Variants in IL1RAPL1 observed in about 807,000 individuals in gnomAD.
The protein encoded by IL1RAPL1 is interleukin 1 receptor accessory protein like 1, also known as interleukin-1 receptor accessory protein-like 1.
In IL1RAPL1, 3 loss-of-function variants were observed where a neutral mutation model predicts 48.4. The observed-to-expected ratio is 0.06, with a 90% CI of 0.03 to 0.16. The LOEUF is 0.16. IL1RAPL1 is among the 10% of genes least tolerant of loss of function. The probability of loss-of-function intolerance (pLI) is 1.00; values close to 1 mark genes in which losing one functional copy is unlikely to be tolerated. For synonymous variants in IL1RAPL1, 185 were observed against 187.7 expected (o/e 0.99, Z 0.12); for missense variants, 349 against 530.6 (o/e 0.66, Z 3.36).
intron 2 of IL1RAPL1, among the ~76,000 whole-genome samples, chrX:29,076,802 G>GTCTGTCTGTCTATCTATCTATCTATCTA (rs568595100): frequency 2.6e-3 from 250 of 97,266 alleles, no homozygotes; most frequent in African/African-American, 3.1e-3. Flanking sequence ...CTGTCTGTCT[G>GTCTGTCTGTCTATCTATCTATCTATCTA]TCTATCTATC....
At chrX:29,830,836 T>C (rs1930859463) in intron 6 of IL1RAPL1, among the ~76,000 whole-genome samples, 2 of 111,424 alleles carry the variant, frequency 1.8e-5, no homozygotes, top group Admixed American at 1.9e-4. Context: ...GAGTACCTTG[T>C]GTCCATGTCT....
intron 6 of IL1RAPL1, among the ~76,000 whole-genome samples, chrX:29,678,424 G>A (rs956948636): frequency 1.1e-5 from 1 of 92,017 alleles, no homozygotes; most frequent in Non-Finnish European, 2.1e-5. Context: ...GCGCGATCTC[G>A]GCTCACCACA....
At position 29,484,002 on chromosome X, in the gene IL1RAPL1, A is replaced by AT. The variant is rs200073177; in HGVS notation, c.703+84696dup. Among the ~76,000 whole-genome samples, 281 of 63,367 alleles carry AT rather than the reference A, an allele frequency of 4.4e-3. 1 individual carries two copies. The highest frequency in any genetic ancestry group is 0.017 in the African/African-American group (267 of 15,990). 55.0% of individuals were successfully genotyped at this position (63,367 alleles called of 115,157 possible). On this transcript the variant is annotated intron_variant, in intron 5 of 10. Coordinates refer to ENST00000378993, the MANE Select transcript of IL1RAPL1 (RefSeq NM_014271.4). ...GCCACTGCACCTGGCCCAGTAGTCC[A>AT]TTAAAAAAAAAAAAAAAAAAAAACT...
intron 2 of IL1RAPL1, among the ~76,000 whole-genome samples, chrX:29,021,587 T>G (rs1489373951): frequency 8.9e-6 from 1 of 112,247 alleles, no homozygotes; most frequent in Non-Finnish European, 1.9e-5. Flanking sequence ...AGCACAGTAA[T>G]TTCTACTAGA....
chrX:29,883,931 G>A (rs2147216233), intron 6 of IL1RAPL1, among the ~76,000 whole-genome samples: 1 of 112,143 alleles, frequency 8.9e-6, no homozygotes, highest in African/African-American at 3.2e-5. Flanking sequence ...ACTATGATGA[G>A]ATTGTTCTGT....
intron 2 of IL1RAPL1, among the ~76,000 whole-genome samples, chrX:29,079,452 T>C (rs1369876361): frequency 1.8e-5 from 2 of 110,501 alleles, no homozygotes; most frequent in Non-Finnish European, 3.8e-5. Context: ...ACCATTCCCA[T>C]TGTTGTGAAA....
chrX:29,063,499 T>C (rs941886879), intron 2 of IL1RAPL1, among the ~76,000 whole-genome samples: 15 of 111,526 alleles, frequency 1.3e-4, no homozygotes, highest in Non-Finnish European at 2.4e-4. Flanking sequence ...TATTTTTATC[T>C]GTGATTTATA....
At chrX:29,110,655 G>A (rs1334818932) in intron 2 of IL1RAPL1, among the ~76,000 whole-genome samples, 1 of 111,871 alleles carries the variant, frequency 8.9e-6, no homozygotes, top group Non-Finnish European at 1.9e-5. Flanking sequence ...ACTTCAAAAC[G>A]AGTTTTTCCG....
intron 3 of IL1RAPL1, among the ~76,000 whole-genome samples, chrX:29,371,250 G>A (rs1414366621): frequency 9.6e-6 from 1 of 103,666 alleles, no homozygotes; most frequent in Non-Finnish European, 1.9e-5. Context: ...TCCTGTCTCA[G>A]CCTCCCAAGT....
At chrX:29,897,739 C>T (rs183782478) in intron 6 of IL1RAPL1, among the ~76,000 whole-genome samples, 19 of 110,257 alleles carry the variant, frequency 1.7e-4, no homozygotes, top group Admixed American at 1.2e-3. Context: ...ATGCTGTACT[C>T]CCAAAGATGA....
intron 2 of IL1RAPL1, among the ~76,000 whole-genome samples, chrX:29,277,593 G>T (rs1932139358): frequency 8.9e-6 from 1 of 111,880 alleles, no homozygotes; most frequent in Non-Finnish European, 1.9e-5. Flanking sequence ...GGGTTTGTTT[G>T]TTTGTTTCTC....
intron 2 of IL1RAPL1, among the ~76,000 whole-genome samples, chrX:29,273,319 C>G (rs991824113): frequency 9.0e-6 from 1 of 111,178 alleles, no homozygotes; most frequent in Non-Finnish European, 1.9e-5. Context: ...TTGCTTTTAT[C>G]TTCTGTGATG....
intron 2 of IL1RAPL1, among the ~76,000 whole-genome samples, chrX:28,813,897 C>T (rs181667133): frequency 2.7e-5 from 3 of 110,904 alleles, no homozygotes; most frequent in Non-Finnish European, 5.7e-5. Context: ...ACAGTAGTTT[C>T]TGATCTTTCT....
intron 1 of IL1RAPL1, among the ~76,000 whole-genome samples, chrX:28,682,042 C>T (rs1471052505): frequency 8.9e-6 from 1 of 111,834 alleles, no homozygotes. Flanking sequence ...TGGAATCATA[C>T]AATACGTGAC....
At chrX:29,598,157 A>C (rs1191408799) in intron 5 of IL1RAPL1, among the ~76,000 whole-genome samples, 2 of 112,040 alleles carry the variant, frequency 1.8e-5, no homozygotes, top group African/African-American at 6.5e-5. Flanking sequence ...TGAGGCAGGC[A>C]TTTAATATTA....
intron 2 of IL1RAPL1, among the ~76,000 whole-genome samples, chrX:29,070,119 A>G (rs1276454553): frequency 8.9e-6 from 1 of 112,077 alleles, no homozygotes; most frequent in Non-Finnish European, 1.9e-5. Flanking sequence ...GAAATTTTTA[A>G]AAATGCTTAA....
At chrX:29,951,282 T>C (rs1488748489) in intron 9 of IL1RAPL1, among the ~76,000 whole-genome samples, 1 of 112,251 alleles carries the variant, frequency 8.9e-6, no homozygotes, top group African/African-American at 3.2e-5. Flanking sequence ...GATCTCATAG[T>C]CTAAGAGAGA....
chrX:29,149,146 A>G (rs1929409273), intron 2 of IL1RAPL1, among the ~76,000 whole-genome samples: 1 of 111,224 alleles, frequency 9.0e-6, no homozygotes, highest in Non-Finnish European at 1.9e-5. Context: ...ATTGGGTAAG[A>G]AATGCATAAT....
rs771108601 is a variant in IL1RAPL1, at chrX:29,197,366, G to A, written c.83-85572G>A. 8.1e-5 allele frequency among the ~76,000 whole-genome samples: 9 copies of A among 111,057 alleles called. No individual in the cohort carries two copies. In the South Asian group the frequency reaches 2.7e-3, roughly 33 times the overall value. ...GAGAATTATCTCAGGCTCTCTGGGG[G>A]GAAAAAAGAATTAGTGTATTTGATT... On this transcript the variant is annotated intron_variant, in intron 2 of 10. Transcript: ENST00000378993.
Sources: allele counts gnomAD v4.1 joint callset (sites outside exome capture counted in the v4.1 genomes callset), GRCh38; gene constraint gnomAD v4.1.1; transcripts MANE v1.5; gene names NCBI Gene and HGNC (gene_info 2026-07-23, HGNC 2026-07-21).